The following CAPN10 variants were observed in gnomAD, a reference collection of about 807,000 sequenced individuals.
CAPN10 encodes the protein calpain 10, also known as calpain-10.
In CAPN10, 71 loss-of-function variants were observed where a neutral mutation model predicts 78.4. That is an observed-to-expected ratio of 0.91 (90% CI 0.75 to 1.10). CAPN10 has a LOEUF of 1.10. CAPN10 is among the 50% of genes least tolerant of loss of function. The pLI is 0.00. For missense variants in CAPN10, 849 were observed against 924.6 expected, an observed-to-expected ratio of 0.92 and a Z score of 1.06; for synonymous variants, 437 against 407.2, an observed-to-expected ratio of 1.07 and a Z score of -0.88.
At chr2:240,589,564 A>G (rs2093088586) in intron 2 of CAPN10, 90 bp downstream of exon 2, 4 of 1,477,294 alleles carry the variant, frequency 2.7e-6, no homozygotes. Context: ...TTGCGAAAGC[A>G]GAGCTGTGCC....
intron 1 of CAPN10, among the ~76,000 whole-genome samples, chr2:240,588,972 G>C (rs55999124): frequency 1.6e-5 from 2 of 126,830 alleles, no homozygotes; most frequent in African/African-American, 6.4e-5. Context: ...TAGTTAGGGG[G>C]TGTGGGAAAT....
intron 3 of CAPN10, 167 bp downstream of exon 3, chr2:240,591,178 ATTC>A: frequency 3.2e-6 from 2 of 626,260 alleles, no homozygotes; most frequent in Non-Finnish European, 5.5e-6. Flanking sequence ...AGGTGCAGAG[ATTC>A]TTCTTTTGGG....
rs150324705 is a variant in CAPN10, at chr2:240,595,148, G to T, written c.1122G>T (p.Pro374=). 1.2e-6 allele frequency: 2 copies of T among 1,613,850 alleles called. No individual in the cohort carries two copies. Among genetic ancestry groups the T allele is most frequent in the Non-Finnish European group, 1.7e-6 (2 of 1,180,046 alleles). The change falls in exon 7 of 12, where the codon CCG becomes CCT. Residue 374 remains proline (P), a synonymous_variant. Coordinates refer to ENST00000391984, the MANE Select transcript of CAPN10 (RefSeq NM_023083.4). ...AATTCTGGCTGCGGGTCTCAGAACCGAGTGAGGTGTACATTGCCGTCCTGC... is the reference window on the plus strand; with the variant it reads ...AATTCTGGCTGCGGGTCTCAGAACCTAGTGAGGTGTACATTGCCGTCCTGC... ...NPKFWLRVSE[P]SEVYIAVLQR...
intron 6 of CAPN10, 106 bp from the exon 7 acceptor site, chr2:240,594,918 T>C: frequency 1.8e-6 from 2 of 1,116,932 alleles, no homozygotes; most frequent in South Asian, 3.0e-5. Context: ...GCTCTGTCTG[T>C]GGCCGTAGCT....
chr2:240,593,153 G>T (rs2093113514), intron 4 of CAPN10, among the ~76,000 whole-genome samples: 1 of 152,234 alleles, frequency 6.6e-6, no homozygotes, highest in African/African-American at 2.4e-5. Flanking sequence ...GTGGGCATTA[G>T]CTCGGGGAGC....
At position 240,591,031 on chromosome 2, in the gene CAPN10, A is replaced by G; in HGVS notation, c.470+20A>G. The G allele has an allele frequency of 5.6e-6, 9 of 1,609,814 alleles. No individual in the cohort carries two copies. Among genetic ancestry groups the G allele is most frequent in the Non-Finnish European group, 6.8e-6 (8 of 1,177,282 alleles). ...CGCCAAGTGCGTGTGCTGGGGGCTG[A>G]AGGGCCTGGCCTGGGGCAAGTGGGA... On this transcript the variant is annotated intron_variant, in intron 3 of 11. Transcript: ENST00000391984.
chr2:240,596,280 G>A (rs375186294), intron 7 of CAPN10, 39 bp from the exon 8 acceptor site: 1 of 1,564,156 alleles, frequency 6.4e-7, no homozygotes, highest in Non-Finnish European at 8.7e-7. Flanking sequence ...TCTGACCCCG[G>A]CCGCTCCTCC....
chr2:240,589,191 G>A (rs1400425823), intron 1 of CAPN10, 152 bp from the exon 2 acceptor site: 39 of 944,934 alleles, frequency 4.1e-5, no homozygotes, highest in Admixed American at 3.8e-4. Flanking sequence ...AAGGACACCC[G>A]CTGCAGGAAA....
At chr2:240,589,212 G>T in intron 1 of CAPN10, 131 bp from the exon 2 acceptor site, 1 of 1,206,994 alleles carries the variant, frequency 8.3e-7, no homozygotes. Flanking sequence ...CCACCTTCCT[G>T]TCCCTTTTTG....
chr2:240,594,248 C>T (rs1217542184), intron 5 of CAPN10: 2 of 617,560 alleles, frequency 3.2e-6, no homozygotes, highest in African/African-American at 3.7e-5. Context: ...GCCATTGGGC[C>T]TGGGGTTTCA....
At chr2:240,591,070 T>C in intron 3 of CAPN10, 59 bp downstream of exon 3, 2 of 1,527,674 alleles carry the variant, frequency 1.3e-6, no homozygotes, top group Non-Finnish European at 1.8e-6. Flanking sequence ...GCCACTACCA[T>C]GGGCTGCCCC....
At chr2:240,591,769 G>A in intron 3 of CAPN10, 164 bp from the exon 4 acceptor site, 1 of 638,360 alleles carries the variant, frequency 1.6e-6, no homozygotes. Flanking sequence ...TTGAAGGTGA[G>A]GCTAAGCCTT....
chr2:240,596,312 C>T lies in CAPN10; in HGVS notation c.1279-7C>T. The T allele has an allele frequency of 6.3e-7, 1 of 1,597,092 alleles. No individual in the cohort carries two copies. Among genetic ancestry groups the T allele is most frequent in the Non-Finnish European group, 8.6e-7 (1 of 1,167,466 alleles). ...CTCCACACTGAGCCTCCTGCACGTG[C>T]TCACAGGTAGAGAAGCGGCGGGTCA... is the stretch of plus-strand genomic sequence containing the variant. On this transcript the variant is annotated splice_polypyrimidine_tract_variant and splice_region_variant and intron_variant, in intron 7 of 11. Transcript: ENST00000391984.
At chr2:240,598,580 G>T (rs1575453983) in intron 11 of CAPN10, 71 bp from the exon 12 acceptor site, 1 of 1,517,940 alleles carries the variant, frequency 6.6e-7, no homozygotes, top group Non-Finnish European at 9.0e-7. Context: ...CCATTCCCTG[G>T]CTGCACTCGG....
chr2:240,592,441 G>C (rs993498139), intron 4 of CAPN10: 1 of 674,458 alleles, frequency 1.5e-6, no homozygotes, highest in African/African-American at 1.8e-5. Flanking sequence ...TGGCCCAGCT[G>C]GCAACCTGGC....
intron 2 of CAPN10, 110 bp from the exon 3 acceptor site, chr2:240,590,705 G>A (rs1034077853): frequency 2.6e-5 from 24 of 908,462 alleles, no homozygotes; most frequent in African/African-American, 1.7e-4. Flanking sequence ...TCTGCAGACC[G>A]CGGTGCCTGT....
chr2:240,597,909 C>T lies in CAPN10; in HGVS notation c.1765C>T (p.Gln589Ter). 1 of 1,607,130 alleles carries T rather than the reference C, an allele frequency of 6.2e-7. No individual in the cohort carries two copies. The highest frequency in any genetic ancestry group is 8.5e-7 in the Non-Finnish European group (1 of 1,177,726). Residue 589 changes from glutamine (Q) to a stop codon, truncating the protein, a stop_gained, in exon 10 of 12, where the codon CAG becomes TAG. Transcript: ENST00000391984. LOFTEE classifies it high-confidence loss of function. ...TCAGGTCCCAGAGGGTGGAAGGAGC[C>T]AGGACGCACCCCCACTGCTGCTGCA... ...IFQVPEGGRS[Q>*]DAPPLLLQEP... is the part of the protein sequence containing the mutation.
At chr2:240,592,377 G>A (rs1288992809) in intron 4 of CAPN10, 11 of 694,718 alleles carry the variant, frequency 1.6e-5, no homozygotes, top group Middle Eastern at 2.3e-4. Flanking sequence ...CTTTCCACTA[G>A]TGCGAGGCAG....
In CAPN10 at chr2:240,594,029, A is replaced by T; in HGVS notation, c.812A>T (p.Gln271Leu). ...AACCCCTGGGGCCGGCGGTGCTGGC[A>T]GGGGCTCTGGAGAGAGGGGTGAGTG... ...IQNPWGRRCWQGLWREGGEGW... is the reference protein window; with the variant it reads ...IQNPWGRRCWLGLWREGGEGW... The change falls in exon 5 of 12, where the codon CAG (glutamine) becomes CTG (leucine). Residue 271 changes from glutamine (Q) to leucine (L), a missense_variant. Gln to Leu is a moderately radical substitution (Grantham distance 113, BLOSUM62 -2). Transcript: ENST00000391984. 1 of 1,606,430 alleles carries T rather than the reference A, an allele frequency of 6.2e-7. No homozygotes were observed. Among genetic ancestry groups the T allele is most frequent in the Non-Finnish European group, 8.5e-7 (1 of 1,175,656 alleles).
Sources: allele counts gnomAD v4.1 joint callset (sites outside exome capture counted in the v4.1 genomes callset), GRCh38; gene constraint gnomAD v4.1.1; transcripts MANE v1.5; gene names NCBI Gene and HGNC (gene_info 2026-07-23, HGNC 2026-07-21).